The following NCOA3 variants were observed in gnomAD, a reference collection of about 807,000 sequenced individuals.
NCOA3 encodes the protein CBP-interacting protein.
A neutral mutation model predicts 158.8 loss-of-function variants in NCOA3; 51 were observed. That is an observed-to-expected ratio of 0.32 (90% CI 0.26 to 0.41). The LOEUF (loss-of-function observed/expected upper bound fraction) is 0.41, where lower values mean the gene tolerates loss of function less well. Ranked by LOEUF, NCOA3 falls within the 10% of genes least tolerant of loss-of-function variation. The pLI is 1.00. For missense variants in NCOA3, 1,510 were observed against 1,746.6 expected (o/e 0.86, Z 2.41); for synonymous variants, 537 against 592.4 (o/e 0.91, Z 1.36).
intron 2 of NCOA3, among the ~76,000 whole-genome samples, chr20:47,611,817 A>C (rs944125391): frequency 9.9e-5 from 15 of 151,454 alleles, no homozygotes; most frequent in Admixed American, 2.0e-4. Context: ...CAAAATAAAA[A>C]AGCCCCACTC....
intron 1 of NCOA3, among the ~76,000 whole-genome samples, chr20:47,565,359 C>T (rs1181465303): frequency 6.6e-6 from 1 of 152,112 alleles, no homozygotes; most frequent in Admixed American, 6.6e-5. Flanking sequence ...TATCCAGAGG[C>T]AGTGTCACTG....
intron 1 of NCOA3, among the ~76,000 whole-genome samples, chr20:47,520,134 A>C (rs2084304621): frequency 6.6e-6 from 1 of 150,766 alleles, no homozygotes; most frequent in Non-Finnish European, 1.5e-5. Context: ...TTCGGGCTAC[A>C]CCCTTGTTTA....
At chr20:47,550,672 A>G (rs2084915125) in intron 1 of NCOA3, among the ~76,000 whole-genome samples, 1 of 152,272 alleles carries the variant, frequency 6.6e-6, no homozygotes, top group South Asian at 2.1e-4. Context: ...GACTCTTATC[A>G]TGTAATTAAG....
chr20:47,523,994 C>T (rs1292352078), intron 1 of NCOA3, among the ~76,000 whole-genome samples: 1 of 152,208 alleles, frequency 6.6e-6, no homozygotes, highest in Non-Finnish European at 1.5e-5. Flanking sequence ...CTTAAAATCG[C>T]CTTACTAATT....
chr20:47,569,004 G>C (rs551071145), intron 1 of NCOA3, among the ~76,000 whole-genome samples: 1 of 151,468 alleles, frequency 6.6e-6, no homozygotes, highest in South Asian at 2.1e-4. Context: ...CCAGGCTGGA[G>C]TGCAGGGTGT....
rs139425760 is a variant in NCOA3, at chr20:47,558,666, G to A, written c.-98-24517G>A. Among the ~76,000 whole-genome samples the A allele has an allele frequency of 2.7e-3, 416 of 152,086 alleles. 2 individuals are homozygous for A. Among genetic ancestry groups the A allele is most frequent in the African/African-American group, 9.7e-3 (402 of 41,468 alleles). On this transcript the variant is annotated intron_variant, in intron 1 of 22. Transcript: ENST00000371998. ...TGTCAGTCTCTTTTTTTTGGATGCT[G>A]CTTCTTCTAAGTCATCTTCCTCATT...
At chr20:47,516,645 G>T (rs1854240262) in intron 1 of NCOA3, among the ~76,000 whole-genome samples, 1 of 152,150 alleles carries the variant, frequency 6.6e-6, no homozygotes, top group Admixed American at 6.6e-5. Context: ...AGCAGGCTGG[G>T]TGCAGTGGCT....
chr20:47,604,921 C>A (rs938441610), intron 2 of NCOA3, among the ~76,000 whole-genome samples: 3 of 152,198 alleles, frequency 2.0e-5, no homozygotes, highest in Non-Finnish European at 4.4e-5. Flanking sequence ...GGCTGGAGTG[C>A]AGTGGCGAGA....
chr20:47,648,238 A>G (rs1401805133), intron 18 of NCOA3, among the ~76,000 whole-genome samples: 3 of 151,516 alleles, frequency 2.0e-5, no homozygotes, highest in Admixed American at 6.6e-5. Flanking sequence ...AGAGCCAGAG[A>G]CTCCATTGCA....
chr20:47,547,393 ATTTTAT>A (rs142551837), intron 1 of NCOA3, among the ~76,000 whole-genome samples: 5,271 of 150,290 alleles, frequency 0.035, 243 homozygotes, highest in African/African-American at 0.11. Context: ...TGTTGATTTT[ATTTTAT>A]TTTTATATTA....
At chr20:47,584,435 T>C (rs1391735120) in intron 2 of NCOA3, among the ~76,000 whole-genome samples, 2 of 151,836 alleles carry the variant, frequency 1.3e-5, no homozygotes, top group Non-Finnish European at 2.9e-5. Context: ...GCCTGGCCAA[T>C]GTGGTGAAGC....
chr20:47,606,766 A>G (rs987884653), intron 2 of NCOA3, among the ~76,000 whole-genome samples: 2 of 152,198 alleles, frequency 1.3e-5, no homozygotes, highest in South Asian at 4.1e-4. Context: ...AACCATGGCT[A>G]TTGAGTCTTG....
intron 2 of NCOA3, among the ~76,000 whole-genome samples, chr20:47,605,206 A>G (rs2085926471): frequency 6.6e-6 from 1 of 152,142 alleles, no homozygotes; most frequent in South Asian, 2.1e-4. Flanking sequence ...ATTTTAGTTT[A>G]TGGTTTATAT....
At chr20:47,507,610 TTTGTTGTTGTTG>T (rs11472962) in intron 1 of NCOA3, among the ~76,000 whole-genome samples, 2 of 151,484 alleles carry the variant, frequency 1.3e-5, no homozygotes, top group Non-Finnish European at 2.9e-5. Flanking sequence ...CCAACAACTT[TTTGTTGTTGTTG>T]TTGTTGTTGT....
chr20:47,552,868 C>T (rs1470014184), intron 1 of NCOA3, among the ~76,000 whole-genome samples: 3 of 151,132 alleles, frequency 2.0e-5, no homozygotes, highest in Non-Finnish European at 4.4e-5. Context: ...AGAAGCATTA[C>T]TGTAAAAGGG....
rs954305232 is a variant in NCOA3, at chr20:47,651,294, A to G, written c.3946+18A>G. ...AAATTATGGTAAATCTGACAATGAA[A>G]ATGTGCCTTCCCCAAGTTAACATTA... On this transcript the variant is annotated intron_variant, in intron 20 of 22. Transcript: ENST00000371998. The G allele has an allele frequency of 6.3e-7, 1 of 1,586,816 alleles. No individual in the cohort carries two copies. Among genetic ancestry groups the G allele is most frequent in the Admixed American group, 1.7e-5 (1 of 58,662 alleles).
intron 2 of NCOA3, among the ~76,000 whole-genome samples, chr20:47,597,202 C>T (rs957190668): frequency 3.3e-5 from 5 of 152,218 alleles, no homozygotes; most frequent in African/African-American, 1.2e-4. Context: ...CCCTAGCAAC[C>T]AGAAGAAACC....
intron 17 of NCOA3, among the ~76,000 whole-genome samples, chr20:47,643,963 C>A (rs1043614495): frequency 6.6e-6 from 1 of 151,356 alleles, no homozygotes; most frequent in Non-Finnish European, 1.5e-5. Flanking sequence ...TTTTATGATG[C>A]TGTATCTTGG....
At chr20:47,537,363 C>A (rs1311261179) in intron 1 of NCOA3, among the ~76,000 whole-genome samples, 1 of 137,994 alleles carries the variant, frequency 7.2e-6, no homozygotes, top group African/African-American at 2.8e-5. Context: ...TCACTTCTAC[C>A]TCTTAATGGA....
Sources: gnomAD v4.1 joint callset for allele counts (sites outside exome capture counted in the v4.1 genomes callset) on GRCh38, gnomAD v4.1.1 for gene constraint, MANE v1.5 for transcripts, NCBI Gene and HGNC (gene_info 2026-07-23, HGNC 2026-07-21) for gene names.